EXOC6B: variants seen among roughly 807,000 people sequenced by gnomAD.
The protein encoded by EXOC6B is exocyst complex component 6B.
In EXOC6B, 54 loss-of-function variants were observed where a neutral mutation model predicts 113.5. The observed-to-expected ratio is 0.48, with a 90% CI of 0.38 to 0.60. The LOEUF is 0.60. Ranked by LOEUF, EXOC6B falls within the 20% of genes least tolerant of loss-of-function variation. The pLI is 0.00. For missense variants in EXOC6B, 797 were observed against 977.5 expected (o/e 0.82, Z 2.46); for synonymous variants, 357 against 339.0 (o/e 1.05, Z -0.58).
chr2:72,707,288 C>A (rs984619220), intron 6 of EXOC6B, among the ~76,000 whole-genome samples: 4 of 152,168 alleles, frequency 2.6e-5, no homozygotes, highest in African/African-American at 4.8e-5. Flanking sequence ...CCTGGAATAT[C>A]TTACACAGCT....
intron 1 of EXOC6B, among the ~76,000 whole-genome samples, chr2:72,823,881 G>A (rs1191351466): frequency 2.0e-5 from 3 of 152,086 alleles, no homozygotes; most frequent in Non-Finnish European, 4.4e-5. Flanking sequence ...ATATTTACAT[G>A]GTATTTACAT....
intron 8 of EXOC6B, among the ~76,000 whole-genome samples, chr2:72,537,667 T>A (rs532976931): frequency 2.6e-5 from 4 of 152,150 alleles, no homozygotes; most frequent in Non-Finnish European, 5.9e-5. Context: ...TTCCTTACAG[T>A]TCTGAGTAGC....
chr2:72,526,476 G>C (rs1018876613), intron 8 of EXOC6B, among the ~76,000 whole-genome samples: 1 of 151,896 alleles, frequency 6.6e-6, no homozygotes, highest in Admixed American at 6.6e-5. Context: ...GTATGTAATG[G>C]ATATTTTATT....
At position 72,537,588 on chromosome 2, in the gene EXOC6B, T is replaced by C. The variant is rs376262075; in HGVS notation, c.915+21865A>G. ...TCAAGGCTGTAGCAAGCTGAGATCA[T>C]GCCACTACACTCCCAGCCTGGGCAA... On this transcript the variant is annotated intron_variant, in intron 8 of 21. Transcript: ENST00000272427. Among the ~76,000 whole-genome samples the C allele has an allele frequency of 3.3e-5, 5 of 152,058 alleles. No homozygotes were observed. In the East Asian group the frequency reaches 7.8e-4, roughly 24 times the overall value.
chr2:72,410,233 C>G (rs1694082397), intron 18 of EXOC6B, among the ~76,000 whole-genome samples: 1 of 152,210 alleles, frequency 6.6e-6, no homozygotes, highest in African/African-American at 2.4e-5. Flanking sequence ...AGTCAAGCAG[C>G]TATATCACAA....
intron 9 of EXOC6B, 50 bp downstream of exon 9, chr2:72,514,993 A>G (rs371586826): frequency 2.0e-6 from 3 of 1,482,634 alleles, no homozygotes; most frequent in Non-Finnish European, 2.8e-6. Context: ...ATCAAAAGAC[A>G]TCAAGGAGGA....
intron 18 of EXOC6B, among the ~76,000 whole-genome samples, chr2:72,460,443 T>C (rs1469314959): frequency 6.6e-6 from 1 of 151,748 alleles, no homozygotes; most frequent in Non-Finnish European, 1.5e-5. Context: ...GGAGAAAATT[T>C]TCGCAACCTA....
intron 20 of EXOC6B, among the ~76,000 whole-genome samples, chr2:72,210,204 G>C (rs1002452884): frequency 2.0e-5 from 3 of 152,038 alleles, no homozygotes; most frequent in African/African-American, 7.3e-5. Context: ...TATTTTCTCT[G>C]ATTTACTGTC....
chr2:72,268,517 G>T lies in EXOC6B; in HGVS notation c.2196+66430C>A, dbSNP rs540137733. ...ATGATGCATAGTATGACACATGTACGTAAGTTGGAAAATATACAAAGCAAC... is the reference window on the plus strand; with the variant it reads ...ATGATGCATAGTATGACACATGTACTTAAGTTGGAAAATATACAAAGCAAC... On this transcript the variant is annotated intron_variant, in intron 20 of 21. Transcript: ENST00000272427. Among the ~76,000 whole-genome samples, 3 of 152,254 alleles carry T rather than the reference G, an allele frequency of 2.0e-5. No homozygotes were observed. The East Asian group carries it at 5.8e-4, about 29-fold the overall frequency.
intron 18 of EXOC6B, among the ~76,000 whole-genome samples, chr2:72,418,546 CATTTT>C (rs1157245430): frequency 6.6e-6 from 1 of 152,152 alleles, no homozygotes; most frequent in Admixed American, 6.5e-5. Context: ...CAGTACTGAA[CATTTT>C]ATTAATATAC....
chr2:72,617,805 G>A (rs988235168), intron 6 of EXOC6B, among the ~76,000 whole-genome samples: 6 of 151,940 alleles, frequency 3.9e-5, no homozygotes, highest in Non-Finnish European at 8.8e-5. Flanking sequence ...TTGAGCCACC[G>A]CGCCCGGCCA....
chr2:72,513,313 G>A, intron 10 of EXOC6B, 61 bp from the exon 11 acceptor site: 1 of 1,595,256 alleles, frequency 6.3e-7, no homozygotes, highest in South Asian at 1.1e-5. Context: ...TACTCTCTCT[G>A]GGGTTTGACA....
chr2:72,735,744 G>C lies in EXOC6B; in HGVS notation c.280-2626C>G, dbSNP rs185512483. Among the ~76,000 whole-genome samples the C allele has an allele frequency of 1.2e-3, 185 of 152,100 alleles. 1 individual carries two copies. In the Middle Eastern group the frequency reaches 0.014, roughly 11 times the overall value. On this transcript the variant is annotated intron_variant, in intron 2 of 21. Coordinates refer to ENST00000272427, the MANE Select transcript of EXOC6B (RefSeq NM_015189.3). Reference sequence around the variant, plus strand: ...GGCAGGAAAATCGCTTGAACCGGGTGGGGGGACGTGGGTTGCAGGGGTGGA... The same window carrying C: ...GGCAGGAAAATCGCTTGAACCGGGTCGGGGGACGTGGGTTGCAGGGGTGGA...
chr2:72,368,360 A>G (rs1309948184), intron 19 of EXOC6B, among the ~76,000 whole-genome samples: 1 of 152,182 alleles, frequency 6.6e-6, no homozygotes, highest in Non-Finnish European at 1.5e-5. Flanking sequence ...TCTGAAATTG[A>G]GGCAATAATT....
intron 20 of EXOC6B, among the ~76,000 whole-genome samples, chr2:72,218,239 G>A (rs191451236): frequency 1.2e-4 from 19 of 152,324 alleles, no homozygotes; most frequent in Admixed American, 1.2e-3. Context: ...TAGCGTTCAA[G>A]TCATCAGCAA....
intron 6 of EXOC6B, among the ~76,000 whole-genome samples, chr2:72,586,367 A>G (rs1228883716): frequency 6.6e-6 from 1 of 152,212 alleles, no homozygotes; most frequent in Non-Finnish European, 1.5e-5. Flanking sequence ...TCCAGAATCT[A>G]TAAGGAACTT....
At chr2:72,805,346 T>C (rs1685524360) in intron 1 of EXOC6B, among the ~76,000 whole-genome samples, 3 of 152,240 alleles carry the variant, frequency 2.0e-5, no homozygotes, top group Admixed American at 6.5e-5. Flanking sequence ...ATGAATTTGA[T>C]AACTGAGGTG....
rs529884668 is a variant in EXOC6B at position 72,224,569 on chromosome 2, A to G, written c.2197-40382T>C. On this transcript the variant is annotated intron_variant, in intron 20 of 21. Coordinates refer to ENST00000272427, the MANE Select transcript of EXOC6B (RefSeq NM_015189.3). ...GATGTACATCAGAATCTTCTTGGAG[A>G]GAAAAGGAGGAAGGAACAAATAAAT... 4.6e-4 allele frequency among the ~76,000 whole-genome samples: 70 copies of G among 152,314 alleles called. No individual in the cohort carries two copies. The Middle Eastern group carries it at 0.017, about 37-fold the overall frequency.
chr2:72,523,704 C>T (rs1701608055), intron 8 of EXOC6B, among the ~76,000 whole-genome samples: 1 of 151,000 alleles, frequency 6.6e-6, no homozygotes, highest in South Asian at 2.1e-4. Context: ...TGGCGTGAAC[C>T]CGGGAGGCGG....
Sources: gnomAD v4.1 joint callset for allele counts (sites outside exome capture counted in the v4.1 genomes callset) on GRCh38, gnomAD v4.1.1 for gene constraint, MANE v1.5 for transcripts, NCBI Gene and HGNC (gene_info 2026-07-23, HGNC 2026-07-21) for gene names.